Variants in FRRS1 observed in about 807,000 individuals in gnomAD.
The protein encoded by FRRS1 is ferric chelate reductase 1, also known as ferric reductase 1.
FRRS1 carries 51 observed loss-of-function variants against 70.7 expected under a neutral mutation model. That is an observed-to-expected ratio of 0.72 (90% CI 0.58 to 0.91). FRRS1 has a LOEUF of 0.91. Ranked by LOEUF, FRRS1 falls within the 40% of genes least tolerant of loss-of-function variation. The pLI, the probability that FRRS1 is intolerant of heterozygous loss-of-function variation, is 0.00. For missense variants in FRRS1, 672 were observed against 726.0 expected, an observed-to-expected ratio of 0.93 and a Z score of 0.86; for synonymous variants, 225 against 238.7, an observed-to-expected ratio of 0.94 and a Z score of 0.53.
At position 99,704,846 on chromosome 1, in the gene FRRS1, A is replaced by G. The variant is rs1318332006; in HGVS notation, c.*4182T>C. ...GGCCGGGGCAATCAGAGGAGAGCCC[A>G]GGCAGTCTAGCGGCCCAACTCCAGG... On this transcript the variant is annotated 3_prime_UTR_variant, in exon 17 of 17. Coordinates refer to ENST00000646001, the MANE Select transcript of FRRS1 (RefSeq NM_001361041.2). 2.6e-5 allele frequency among the ~76,000 whole-genome samples: 4 copies of G among 152,166 alleles called. No individual in the cohort carries two copies. Among genetic ancestry groups the G allele is most frequent in the Non-Finnish European group, 5.9e-5 (4 of 68,024 alleles).
chr1:99,753,407 A>C (rs1269172349), intron 1 of FRRS1, among the ~76,000 whole-genome samples: 3 of 151,690 alleles, frequency 2.0e-5, no homozygotes, highest in African/African-American at 7.3e-5. Context: ...TTTTTTTAAA[A>C]AGACAAACAT....
chr1:99,715,785 A>C (rs537282328), intron 11 of FRRS1, 113 bp from the exon 12 acceptor site: 2 of 652,382 alleles, frequency 3.1e-6, no homozygotes, highest in Admixed American at 4.8e-5. Flanking sequence ...GAAGGCATGC[A>C]TTCAACTGAC....
chr1:99,707,642 T>TA lies in FRRS1; in HGVS notation c.*1385dup, dbSNP rs1472599235. Among the ~76,000 whole-genome samples the TA allele has an allele frequency of 2.0e-5, 3 of 152,222 alleles. No individual in the cohort carries two copies. Among genetic ancestry groups the TA allele is most frequent in the African/African-American group, 7.2e-5 (3 of 41,462 alleles). On this transcript the variant is annotated 3_prime_UTR_variant, in exon 17 of 17. Transcript: ENST00000646001. ...ATAAAGATTAAGAGTTGGTGGAATTTAAGGGAAATGCCATCCGGTAATGTT... is the reference window on the plus strand; with the variant it reads ...ATAAAGATTAAGAGTTGGTGGAATTTAAAGGGAAATGCCATCCGGTAATGTT...
At chr1:99,715,252 T>C (rs755706936) in intron 12 of FRRS1, among the ~76,000 whole-genome samples, 15 of 152,198 alleles carry the variant, frequency 9.9e-5, no homozygotes, top group Non-Finnish European at 2.1e-4. Context: ...ATCACAGTAC[T>C]AGTTAGAGAA....
intron 10 of FRRS1, among the ~76,000 whole-genome samples, chr1:99,718,405 T>C (rs1654641759): frequency 6.6e-6 from 1 of 152,204 alleles, no homozygotes; most frequent in South Asian, 2.1e-4. Context: ...CTCAGCTCTC[T>C]GCAACCTCCA....
At chr1:99,712,392 C>G (rs1654309788) in intron 13 of FRRS1, 26 bp downstream of exon 13, 3 of 1,434,296 alleles carry the variant, frequency 2.1e-6, no homozygotes, top group African/African-American at 1.4e-5. Flanking sequence ...ATTAAGAGAG[C>G]ATTTATATAG....
chr1:99,739,445 T>C (rs1461869723), intron 6 of FRRS1, among the ~76,000 whole-genome samples: 2 of 152,192 alleles, frequency 1.3e-5, no homozygotes, highest in Non-Finnish European at 2.9e-5. Context: ...AAGCCTAAAC[T>C]GAGAGCTAGT....
intron 1 of FRRS1, among the ~76,000 whole-genome samples, chr1:99,750,514 A>T (rs542318621): frequency 3.5e-4 from 54 of 152,326 alleles, no homozygotes; most frequent in Middle Eastern, 6.8e-3. Context: ...GGCATGCAAG[A>T]ACAAATGCAC....
intron 12 of FRRS1, among the ~76,000 whole-genome samples, chr1:99,715,013 T>C (rs941823299): frequency 3.3e-5 from 5 of 152,132 alleles, no homozygotes; most frequent in African/African-American, 9.7e-5. Flanking sequence ...TATTTGAGAT[T>C]TAAAAGATTT....
intron 5 of FRRS1, 48 bp downstream of exon 5, chr1:99,742,131 G>T: frequency 8.4e-7 from 1 of 1,187,660 alleles, no homozygotes; most frequent in Non-Finnish European, 1.3e-6. Context: ...TGGGATTATA[G>T]GCATGAGCCA....
At chr1:99,714,813 A>C (rs1269594950) in intron 12 of FRRS1, among the ~76,000 whole-genome samples, 1 of 152,174 alleles carries the variant, frequency 6.6e-6, no homozygotes, top group Non-Finnish European at 1.5e-5. Flanking sequence ...CTGGGAGAAA[A>C]GATGATCAGG....
chr1:99,733,864 A>G (rs111242682), intron 7 of FRRS1, among the ~76,000 whole-genome samples: 29 of 152,322 alleles, frequency 1.9e-4, no homozygotes, highest in Non-Finnish European at 2.5e-4. Flanking sequence ...ATCATCCCAC[A>G]TATTACTTAT....
intron 7 of FRRS1, among the ~76,000 whole-genome samples, chr1:99,731,340 A>G (rs1655371536): frequency 6.6e-6 from 1 of 152,318 alleles, no homozygotes; most frequent in East Asian, 1.9e-4. Context: ...CCAATATTAG[A>G]TTCTAACATA....
intron 4 of FRRS1, among the ~76,000 whole-genome samples, chr1:99,742,810 T>A (rs1015670018): frequency 1.3e-5 from 2 of 152,212 alleles, no homozygotes; most frequent in African/African-American, 4.8e-5. Flanking sequence ...TGTGGCTCTC[T>A]CTGCTATGCT....
At chr1:99,736,119 T>C (rs1001408184) in intron 7 of FRRS1, among the ~76,000 whole-genome samples, 1 of 152,212 alleles carries the variant, frequency 6.6e-6, no homozygotes, top group East Asian at 1.9e-4. Flanking sequence ...CACCTATCAT[T>C]ATTGCTTTAT....
intron 6 of FRRS1, among the ~76,000 whole-genome samples, chr1:99,738,480 A>G (rs1481576859): frequency 1.3e-5 from 2 of 152,228 alleles, no homozygotes; most frequent in African/African-American, 4.8e-5. Flanking sequence ...AAACTTAATT[A>G]ATTTTAATTA....
At chr1:99,755,688 T>TCA (rs375253828) in intron 1 of FRRS1, among the ~76,000 whole-genome samples, 5 of 152,322 alleles carry the variant, frequency 3.3e-5, no homozygotes, top group African/African-American at 1.2e-4. Context: ...ATCTGTTTCA[T>TCA]CAGTTGCAAA....
At chr1:99,726,224 C>G (rs1315424860) in intron 9 of FRRS1, among the ~76,000 whole-genome samples, 1 of 152,196 alleles carries the variant, frequency 6.6e-6, no homozygotes, top group Non-Finnish European at 1.5e-5. Context: ...GTGGCTACTT[C>G]CCCTTTGCCT....
At chr1:99,759,141 TTAG>T (rs1459016510) in intron 1 of FRRS1, among the ~76,000 whole-genome samples, 3 of 152,178 alleles carry the variant, frequency 2.0e-5, no homozygotes, top group African/African-American at 7.2e-5. Flanking sequence ...TAGACCCTTA[TTAG>T]TAGTTCTGCT....
Sources: allele counts gnomAD v4.1 joint callset (sites outside exome capture counted in the v4.1 genomes callset), GRCh38; gene constraint gnomAD v4.1.1; transcripts MANE v1.5; gene names NCBI Gene and HGNC (gene_info 2026-07-23, HGNC 2026-07-21).